SLC44A5: variants seen among roughly 807,000 people sequenced by gnomAD.
SLC44A5 encodes the protein choline transporter-like protein 5.
In SLC44A5, 57 loss-of-function variants were observed where a neutral mutation model predicts 101.8. The ratio of observed to expected loss-of-function variants is 0.56; its 90% CI spans 0.45 to 0.70. The LOEUF is 0.70. Among genes scored for constraint, SLC44A5 ranks in the 30% least tolerant of loss-of-function variants. The probability of loss-of-function intolerance (pLI) is 0.00; values close to 1 mark genes in which losing one functional copy is unlikely to be tolerated. For synonymous variants in SLC44A5, 281 were observed against 290.9 expected, an observed-to-expected ratio of 0.97 and a Z score of 0.35; for missense variants, 737 against 853.1, an observed-to-expected ratio of 0.86 and a Z score of 1.70.
chr1:75,610,136 T>TACACACACACACAC (rs144198306), intron 1 of SLC44A5, among the ~76,000 whole-genome samples: 8 of 144,328 alleles, frequency 5.5e-5, no homozygotes, highest in East Asian at 2.1e-4. Flanking sequence ...AGTCAAGAAA[T>TACACACACACACAC]ACACACACAC....
chr1:75,226,387 G>C (rs1647195808), intron 13 of SLC44A5, among the ~76,000 whole-genome samples: 1 of 152,076 alleles, frequency 6.6e-6, no homozygotes. Flanking sequence ...TGCTAAAATA[G>C]CTTCTGATTG....
At chr1:75,575,094 A>G (rs1214793684) in intron 1 of SLC44A5, among the ~76,000 whole-genome samples, 1 of 152,124 alleles carries the variant, frequency 6.6e-6, no homozygotes, top group African/African-American at 2.4e-5. Context: ...GAAAACCCAA[A>G]AATCATTTTC....
chr1:75,514,485 A>G (rs1160604819), intron 2 of SLC44A5, among the ~76,000 whole-genome samples: 1 of 152,234 alleles, frequency 6.6e-6, no homozygotes, highest in Non-Finnish European at 1.5e-5. Context: ...CAGAGACATA[A>G]CAGACACTGA....
intron 3 of SLC44A5, among the ~76,000 whole-genome samples, chr1:75,383,977 A>C (rs1328141016): frequency 6.6e-6 from 1 of 151,830 alleles, no homozygotes; most frequent in Non-Finnish European, 1.5e-5. Flanking sequence ...GCGAAGGAGA[A>C]ATAAAATACT....
chr1:75,401,247 A>G (rs560887561), intron 2 of SLC44A5, among the ~76,000 whole-genome samples: 21 of 152,336 alleles, frequency 1.4e-4, no homozygotes, highest in African/African-American at 5.1e-4. Flanking sequence ...CACTCATTTA[A>G]CAAACATTTA....
chr1:75,342,739 G>A (rs960627321), intron 3 of SLC44A5, among the ~76,000 whole-genome samples: 7 of 152,206 alleles, frequency 4.6e-5, no homozygotes, highest in African/African-American at 1.7e-4. Context: ...CAATCTTCCT[G>A]TGATTTGTAC....
chr1:75,637,408 C>A, the SLC44A5 span, among the ~76,000 whole-genome samples: 1 of 151,782 alleles, frequency 6.6e-6, no homozygotes, highest in Non-Finnish European at 1.5e-5. Context: ...ATAAGCCAGA[C>A]CCAAAAGGAC....
At chr1:75,705,303 C>A in the SLC44A5 span, among the ~76,000 whole-genome samples, 5 of 152,096 alleles carry the variant, frequency 3.3e-5, no homozygotes, top group African/African-American at 1.2e-4. Flanking sequence ...TTTATACTAT[C>A]TTAATAAAAA....
chr1:75,415,043 T>C (rs1663547508), intron 2 of SLC44A5, among the ~76,000 whole-genome samples: 1 of 151,878 alleles, frequency 6.6e-6, no homozygotes, highest in South Asian at 2.1e-4. Flanking sequence ...GTCAGGGGAG[T>C]GGAACAGTAT....
At chr1:75,224,472 A>G (rs185614075) in intron 13 of SLC44A5, among the ~76,000 whole-genome samples, 196 of 152,318 alleles carry the variant, frequency 1.3e-3, no homozygotes, top group African/African-American at 4.5e-3. Context: ...CATGTTTTTT[A>G]TTGTCCCTGA....
chr1:75,617,944 T>G, the SLC44A5 span, among the ~76,000 whole-genome samples: 1 of 152,222 alleles, frequency 6.6e-6, no homozygotes, highest in Non-Finnish European at 1.5e-5. Flanking sequence ...CATTTAATCA[T>G]GACCACACCC....
chr1:75,476,568 A>G (rs1287467482), intron 2 of SLC44A5, among the ~76,000 whole-genome samples: 6 of 152,206 alleles, frequency 3.9e-5, no homozygotes, highest in Non-Finnish European at 8.8e-5. Context: ...CTTTTCCGAC[A>G]GGCTTAAAAA....
At chr1:75,376,437 G>T (rs1660618032) in intron 3 of SLC44A5, among the ~76,000 whole-genome samples, 1 of 152,186 alleles carries the variant, frequency 6.6e-6, no homozygotes, top group Non-Finnish European at 1.5e-5. Flanking sequence ...AAATGTCCCT[G>T]TCTGACAGCT....
chr1:75,369,982 C>CG (rs1340611548), intron 3 of SLC44A5, among the ~76,000 whole-genome samples: 2 of 152,202 alleles, frequency 1.3e-5, no homozygotes, highest in African/African-American at 4.8e-5. Context: ...GAAGGTTCTA[C>CG]GCCATCAAGA....
chr1:75,276,192 C>T (rs1651904477), intron 5 of SLC44A5, among the ~76,000 whole-genome samples: 1 of 152,068 alleles, frequency 6.6e-6, no homozygotes, highest in South Asian at 2.1e-4. Context: ...CTTCTAATAC[C>T]TTCTTATTAA....
chr1:75,275,426 T>C (rs1341537065), intron 5 of SLC44A5, among the ~76,000 whole-genome samples: 1 of 152,150 alleles, frequency 6.6e-6, no homozygotes, highest in Non-Finnish European at 1.5e-5. Context: ...GTAAATAATA[T>C]GATGTAATAC....
intron 2 of SLC44A5, chr1:75,521,506 G>A (rs571370950): frequency 6.6e-6 from 1 of 152,306 alleles, no homozygotes; most frequent in Non-Finnish European, 1.5e-5. Flanking sequence ...TGTGAAAACA[G>A]TTTAAAAACC....
intron 4 of SLC44A5, chr1:75,311,502 C>T (rs1052231270): frequency 1.0e-6 from 1 of 960,514 alleles, no homozygotes; most frequent in Non-Finnish European, 1.2e-6. Flanking sequence ...TCTCTTACAA[C>T]AAAGCACTAC....
At chr1:75,698,886 T>C in the SLC44A5 span, among the ~76,000 whole-genome samples, 11 of 152,278 alleles carry the variant, frequency 7.2e-5, no homozygotes, top group Non-Finnish European at 1.5e-4. Context: ...TGCTATCAAC[T>C]GGAAGACAGG....
Sources: gnomAD v4.1 joint callset for allele counts (sites outside exome capture counted in the v4.1 genomes callset) on GRCh38, gnomAD v4.1.1 for gene constraint, MANE v1.5 for transcripts, NCBI Gene and HGNC (gene_info 2026-07-23, HGNC 2026-07-21) for gene names.